NR6A1: variants seen among roughly 807,000 people sequenced by gnomAD.
NR6A1 encodes nuclear receptor subfamily 6 group A member 1, also known as retinoic acid receptor-related testis-associated receptor.
Under a neutral mutation model 59.1 loss-of-function variants are expected in NR6A1, and 7 were observed. That is an observed-to-expected ratio of 0.12 (90% CI 0.07 to 0.22). NR6A1 has a LOEUF of 0.22. Ranked by LOEUF, NR6A1 falls within the 10% of genes least tolerant of loss-of-function variation. The pLI, the probability that NR6A1 is intolerant of heterozygous loss-of-function variation, is 1.00. For synonymous variants in NR6A1, 243 were observed against 236.1 expected (o/e 1.03, Z -0.27); for missense variants, 468 against 611.6 (o/e 0.77, Z 2.48).
At chr9:124,625,754 G>A (rs866681530) in intron 2 of NR6A1, among the ~76,000 whole-genome samples, 9 of 152,188 alleles carry the variant, frequency 5.9e-5, no homozygotes, top group African/African-American at 9.6e-5. Context: ...TAACATTTAC[G>A]TCTGCAAACT....
chr9:124,592,440 C>G (rs975867782), intron 2 of NR6A1, among the ~76,000 whole-genome samples: 3 of 152,044 alleles, frequency 2.0e-5, no homozygotes, highest in African/African-American at 7.2e-5. Flanking sequence ...TACAATATAT[C>G]AGAGGGGCAG....
At chr9:124,758,710 G>C (rs959308010) in intron 1 of NR6A1, among the ~76,000 whole-genome samples, 4 of 152,162 alleles carry the variant, frequency 2.6e-5, no homozygotes, top group Non-Finnish European at 5.9e-5. Context: ...GGATCTCACA[G>C]ACTTTAAAGC....
intron 2 of NR6A1, among the ~76,000 whole-genome samples, chr9:124,649,144 C>T (rs376657858): frequency 6.8e-6 from 1 of 147,978 alleles, no homozygotes; most frequent in African/African-American, 2.5e-5. Flanking sequence ...CAAAGCAATC[C>T]TGAACTAAAA....
At chr9:124,630,910 T>C (rs981147339) in intron 2 of NR6A1, among the ~76,000 whole-genome samples, 19 of 151,840 alleles carry the variant, frequency 1.3e-4, no homozygotes, top group East Asian at 1.9e-4. Flanking sequence ...TGACCTCAGG[T>C]GATCCACCTG....
rs148845602 is a variant in NR6A1, at chr9:124,712,117, C to T, written c.142+21191G>A. On this transcript the variant is annotated intron_variant, in intron 2 of 9. Coordinates refer to ENST00000487099, the MANE Select transcript of NR6A1 (RefSeq NM_033334.4). ...GACAAAACTGGCATACCCACCAATA[C>T]ATTAACACAGGTTCTCACCTCTGTG... is the stretch of plus-strand genomic sequence containing the variant. Among the ~76,000 whole-genome samples, 32 of 152,320 alleles carry T rather than the reference C, an allele frequency of 2.1e-4. No homozygotes were observed. In the East Asian group the frequency reaches 4.8e-3, roughly 23 times the overall value.
intron 2 of NR6A1, chr9:124,595,620 C>T (rs1310181821): frequency 1.6e-5 from 7 of 430,508 alleles, no homozygotes; most frequent in South Asian, 1.2e-4. Context: ...AACTTTCTAG[C>T]TGAACTCTGC....
intron 2 of NR6A1, among the ~76,000 whole-genome samples, chr9:124,656,606 T>C (rs1021728674): frequency 2.0e-5 from 3 of 152,018 alleles, no homozygotes; most frequent in Non-Finnish European, 4.4e-5. Context: ...CCAAGGTGGG[T>C]GGATCACTTG....
intron 2 of NR6A1, among the ~76,000 whole-genome samples, chr9:124,576,565 GC>G (rs1361318249): frequency 6.6e-6 from 1 of 152,144 alleles, no homozygotes; most frequent in Admixed American, 6.5e-5. Flanking sequence ...GGGATTATAG[GC>G]GTGAACCACC....
chr9:124,567,831 CTTTT>C (rs534591761), intron 2 of NR6A1, among the ~76,000 whole-genome samples: 7 of 101,318 alleles, frequency 6.9e-5, no homozygotes, highest in Middle Eastern at 5.7e-3. Flanking sequence ...TAAAAATTTG[CTTTT>C]TTTTTTTTTT....
chr9:124,662,880 C>T (rs1042609396), intron 2 of NR6A1, among the ~76,000 whole-genome samples: 3 of 152,136 alleles, frequency 2.0e-5, no homozygotes, highest in African/African-American at 7.2e-5. Flanking sequence ...GGTCTATAAA[C>T]AGAAAGCAAA....
chr9:124,687,442 C>T (rs1485497285), intron 2 of NR6A1, among the ~76,000 whole-genome samples: 2 of 151,946 alleles, frequency 1.3e-5, no homozygotes, highest in African/African-American at 4.8e-5. Flanking sequence ...CCCCAACATC[C>T]CAAACAGCTA....
chr9:124,678,618 G>A (rs1838032876), intron 2 of NR6A1, among the ~76,000 whole-genome samples: 1 of 152,078 alleles, frequency 6.6e-6, no homozygotes, highest in Non-Finnish European at 1.5e-5. Context: ...GACTTACCTG[G>A]ACTAAGTTAT....
chr9:124,704,370 A>C (rs1839060642), intron 2 of NR6A1, among the ~76,000 whole-genome samples: 1 of 152,036 alleles, frequency 6.6e-6, no homozygotes. Flanking sequence ...TTTCCATTCT[A>C]ATCTTTATTG....
chr9:124,751,040 C>G (rs1033439663), intron 1 of NR6A1, among the ~76,000 whole-genome samples: 4 of 128,778 alleles, frequency 3.1e-5, no homozygotes, highest in African/African-American at 1.2e-4. Context: ...ATCTCTCCCA[C>G]TTAGGGGGCC....
chr9:124,756,758 T>A (rs1231232187), intron 1 of NR6A1, among the ~76,000 whole-genome samples: 1 of 152,172 alleles, frequency 6.6e-6, no homozygotes, highest in Non-Finnish European at 1.5e-5. Context: ...TCAAGACACA[T>A]TAAAGACTGT....
Position 124,630,210 on chromosome 9 carries a change from G to GTTTTTTT in NR6A1, c.143-75647_143-75641dup, listed in dbSNP as rs71372979. On this transcript the variant is annotated intron_variant, in intron 2 of 9. Transcript: ENST00000487099. Reference sequence around the variant, plus strand: ...TCTGAACTCCAGTTCCTCCAAATCAGTTTTTTTTTTTTTTTTTTTTTTGAG... The same window carrying GTTTTTTT: ...TCTGAACTCCAGTTCCTCCAAATCAGTTTTTTTTTTTTTTTTTTTTTTTTTTTTTGAG... Among the ~76,000 whole-genome samples, 71 of 95,356 alleles carry GTTTTTTT rather than the reference G, an allele frequency of 7.4e-4. 1 individual carries two copies. In the East Asian group the frequency reaches 0.011, roughly 15 times the overall value. The allele number at this position is 95,356 out of a possible 152,430, so 62.6% of individuals were successfully genotyped here.
At chr9:124,769,806 T>C (rs1051726663) in intron 1 of NR6A1, among the ~76,000 whole-genome samples, 1 of 152,216 alleles carries the variant, frequency 6.6e-6, no homozygotes, top group African/African-American at 2.4e-5. Flanking sequence ...GAGCACCCTT[T>C]GTAATGCAGG....
chr9:124,606,169 T>G (rs1318938493), intron 2 of NR6A1, among the ~76,000 whole-genome samples: 1 of 152,198 alleles, frequency 6.6e-6, no homozygotes, highest in Non-Finnish European at 1.5e-5. Context: ...CAAATGCGCC[T>G]TTGCATGTAG....
intron 2 of NR6A1, among the ~76,000 whole-genome samples, chr9:124,697,851 A>C (rs1838818188): frequency 6.6e-6 from 1 of 152,208 alleles, no homozygotes; most frequent in South Asian, 2.1e-4. Flanking sequence ...TTAACCTTTA[A>C]ATCTGTGTCA....
Sources: gnomAD v4.1 joint callset for allele counts (sites outside exome capture counted in the v4.1 genomes callset) on GRCh38, gnomAD v4.1.1 for gene constraint, MANE v1.5 for transcripts, NCBI Gene and HGNC (gene_info 2026-07-23, HGNC 2026-07-21) for gene names.